The following BAZ1B variants were observed in gnomAD, a reference collection of about 807,000 sequenced individuals.
BAZ1B encodes the protein tyrosine-protein kinase BAZ1B.
Under a neutral mutation model 153.8 loss-of-function variants are expected in BAZ1B, and 22 were observed. The observed-to-expected ratio is 0.14, with a 90% CI of 0.10 to 0.20. The LOEUF (loss-of-function observed/expected upper bound fraction) is 0.20, where lower values mean the gene tolerates loss of function less well. BAZ1B is among the 10% of genes least tolerant of loss of function. The pLI is 1.00. For missense variants in BAZ1B, 1,325 were observed against 1,799.3 expected (o/e 0.74, Z 4.77); for synonymous variants, 676 against 633.4 (o/e 1.07, Z -1.01).
Position 73,492,737 on chromosome 7 carries a change from G to C in BAZ1B, c.693+63C>G, listed in dbSNP as rs188938860. On this transcript the variant is annotated intron_variant, in intron 5 of 19. Coordinates refer to ENST00000339594, the MANE Select transcript of BAZ1B (RefSeq NM_032408.4). ...CTTCAGCACATTTTCTCCAACAAAA[G>C]CAACCCTATGATATTTTCTTAAAGA... 222 of 1,455,992 alleles carry C rather than the reference G, an allele frequency of 1.5e-4. No individual in the cohort carries two copies. In the African/African-American group the frequency reaches 2.8e-3, roughly 19 times the overall value. 90.2% of individuals were successfully genotyped at this position (1,455,992 alleles called of 1,614,324 possible).
intron 3 of BAZ1B, among the ~76,000 whole-genome samples, chr7:73,502,375 T>TTA (rs1189871567): frequency 6.6e-6 from 1 of 152,010 alleles, no homozygotes; most frequent in African/African-American, 2.4e-5. Flanking sequence ...TTTATCACAC[T>TTA]TAGAGTGCAA....
chr7:73,442,144 A>AACCC, intron 19 of BAZ1B, 37 bp downstream of exon 19: 1 of 180,370 alleles, frequency 5.5e-6, no homozygotes, highest in East Asian at 1.0e-4. Flanking sequence ...CCTCCCTCCC[A>AACCC]CCCTCCCTAG....
Position 73,442,777 on chromosome 7 carries a change from A to G in BAZ1B, c.4042T>C (p.Cys1348Arg), listed in dbSNP as rs1554565478. The G allele has an allele frequency of 1.2e-6, 2 of 1,614,204 alleles. No homozygotes were observed. The highest frequency in any genetic ancestry group is 1.7e-6 in the Non-Finnish European group (2 of 1,180,034). Reference protein sequence around the residue: ...SRRQSLELQKCEEILHKIVKY... With the variant: ...SRRQSLELQKREEILHKIVKY... The stretch of plus-strand genomic sequence containing the variant: ...ACGATCTTGTGGAGGATCTCTTCAC[A>G]CTTCTGCAGCTCCAGGCTTTGCCTC... Residue 1348 changes from cysteine to arginine, a missense_variant, in exon 18 of 20, where the codon TGT becomes CGT. Physicochemically the swap from Cys to Arg is radical, Grantham distance 180. Transcript: ENST00000339594.
chr7:73,498,550 T>C lies in BAZ1B; in HGVS notation c.518A>G (p.His173Arg). The C allele has an allele frequency of 1.2e-6, 2 of 1,614,194 alleles. No homozygotes were observed. The highest frequency in any genetic ancestry group is 2.2e-5 in the South Asian group (2 of 91,084). The change falls in exon 4 of 20, where the codon CAT (histidine) becomes CGT (arginine). Residue 173 changes from histidine to arginine, a missense_variant. Transcript: ENST00000339594. ...TTTCACAACTGTCTCCTTCTTCTGA[T>C]GGTCCTGAGCAATCTGACTGGAGTT... ...KENSSQIAQD[H>R]QKKETVVKED...
chr7:73,478,150 C>A lies in BAZ1B; in HGVS notation c.1311G>T (p.Gln437His), dbSNP rs1464079318. The A allele has an allele frequency of 6.2e-7, 1 of 1,614,182 alleles. No homozygotes were observed. Among genetic ancestry groups the A allele is most frequent in the Non-Finnish European group, 8.5e-7 (1 of 1,180,036 alleles). Residue 437 changes from glutamine to histidine, a missense_variant, in exon 7 of 20, where the codon CAG (glutamine) becomes CAT (histidine). Physicochemically the swap from Gln to His is conservative, Grantham distance 24. This residue lies in a region of BAZ1B where 219 missense variants were observed against 248.2 expected (regional missense o/e 0.88). Transcript: ENST00000339594. ...CTTTGGCCATATCCAACAAAGTCAT[C>A]TGCTTCATTTTGGTTTTAGGAGTCT... ...GLKTPKTKMK[Q>H]MTLLDMAKGT...
intron 6 of BAZ1B, among the ~76,000 whole-genome samples, chr7:73,483,500 T>C (rs894514678): frequency 1.3e-5 from 2 of 152,220 alleles, no homozygotes; most frequent in African/African-American, 2.4e-5. Context: ...TTTGCAAAAT[T>C]TGTTACTATA....
intron 6 of BAZ1B, among the ~76,000 whole-genome samples, chr7:73,479,508 C>CAAAAAA (rs565909571): frequency 6.0e-5 from 4 of 66,914 alleles, no homozygotes; most frequent in Non-Finnish European, 6.2e-5. Flanking sequence ...ACCCCCGTCT[C>CAAAAAA]AAAAAAAAAA....
intron 4 of BAZ1B, among the ~76,000 whole-genome samples, chr7:73,493,780 A>C: frequency 6.7e-6 from 1 of 150,038 alleles, no homozygotes; most frequent in East Asian, 2.0e-4. Context: ...TCAGGGCTGC[A>C]GTGAGCCCTG....
intron 1 of BAZ1B, among the ~76,000 whole-genome samples, chr7:73,518,791 A>G (rs797037401): frequency 5.9e-5 from 9 of 152,310 alleles, no homozygotes; most frequent in African/African-American, 1.9e-4. Context: ...CCTCATTATC[A>G]TACCCTCAAT....
chr7:73,468,015 T>G (rs1269218099), intron 9 of BAZ1B, among the ~76,000 whole-genome samples: 9 of 152,252 alleles, frequency 5.9e-5, no homozygotes, highest in Non-Finnish European at 1.3e-4. Context: ...TGTAAATCAG[T>G]ATTATTCTTA....
intron 12 of BAZ1B, 23 bp from the exon 13 acceptor site, chr7:73,459,741 C>T (rs781952051): frequency 1.3e-6 from 2 of 1,563,012 alleles, no homozygotes; most frequent in South Asian, 2.4e-5. Flanking sequence ...ATTTTAAAAC[C>T]AGACTGAGAA....
At chr7:73,521,019 A>T (rs533161113) in intron 1 of BAZ1B, among the ~76,000 whole-genome samples, 3 of 152,370 alleles carry the variant, frequency 2.0e-5, no homozygotes, top group African/African-American at 7.2e-5. Context: ...AAGAAATCTT[A>T]GTCATGACGA....
chr7:73,485,693 CTAAT>C (rs1295738167), intron 6 of BAZ1B, among the ~76,000 whole-genome samples: 4 of 150,824 alleles, frequency 2.7e-5, no homozygotes, highest in African/African-American at 4.9e-5. Flanking sequence ...CTGAGGAAAT[CTAAT>C]TAAAGAGTAC....
chr7:73,517,762 G>C (rs1426841907), intron 1 of BAZ1B, among the ~76,000 whole-genome samples: 1 of 152,192 alleles, frequency 6.6e-6, no homozygotes, highest in Non-Finnish European at 1.5e-5. Flanking sequence ...TAAAAGATAA[G>C]ATATTTTCGA....
intron 1 of BAZ1B, among the ~76,000 whole-genome samples, chr7:73,514,627 T>C (rs782069342): frequency 2.7e-5 from 4 of 150,902 alleles, no homozygotes; most frequent in East Asian, 3.9e-4. Context: ...CTGGGCAACA[T>C]AGCAAAACCC....
At chr7:73,476,728 T>C in intron 7 of BAZ1B, 140 bp downstream of exon 7, 2 of 1,363,844 alleles carry the variant, frequency 1.5e-6, no homozygotes, top group Non-Finnish European at 1.9e-6. Context: ...TAATAAAAAA[T>C]AAAATACATA....
chr7:73,506,490 C>T (rs1554577772), intron 3 of BAZ1B, among the ~76,000 whole-genome samples: 1 of 147,334 alleles, frequency 6.8e-6, no homozygotes, highest in East Asian at 2.0e-4. Context: ...CAGAGCGAGA[C>T]TCCATCTTAA....
intron 13 of BAZ1B, among the ~76,000 whole-genome samples, chr7:73,455,618 A>G (rs1227631160): frequency 6.6e-6 from 1 of 152,074 alleles, no homozygotes; most frequent in Non-Finnish European, 1.5e-5. Context: ...CCGTCTCTAT[A>G]AAAAATTTAA....
chr7:73,489,105 C>A lies in BAZ1B; in HGVS notation c.891+89G>T. The A allele has an allele frequency of 2.9e-6, 4 of 1,361,896 alleles. No individual in the cohort carries two copies. The Admixed American group carries it at 8.7e-5, about 30-fold the overall frequency. The allele number at this position is 1,361,896 out of a possible 1,614,324, so 84.4% of individuals were successfully genotyped here. ...TAATTCATTATCTGATGTTAGAGTT[C>A]AAAACCTGCTATAAATATAAATATA... On this transcript the variant is annotated intron_variant, in intron 6 of 19. Coordinates refer to ENST00000339594, the MANE Select transcript of BAZ1B (RefSeq NM_032408.4).
Sources: allele counts gnomAD v4.1 joint callset (sites outside exome capture counted in the v4.1 genomes callset), GRCh38; gene constraint gnomAD v4.1.1; regional missense constraint gnomAD v4.1.1; transcripts MANE v1.5; gene names NCBI Gene and HGNC (gene_info 2026-07-23, HGNC 2026-07-21).